SLC9A9: variants seen among roughly 807,000 people sequenced by gnomAD.
SLC9A9 encodes solute carrier family 9 member A9.
SLC9A9 carries 62 observed loss-of-function variants against 77.8 expected under a neutral mutation model. The observed-to-expected ratio is 0.80, with a 90% CI of 0.65 to 0.98. The LOEUF (loss-of-function observed/expected upper bound fraction) is 0.98. SLC9A9 is among the 50% of genes least tolerant of loss of function. The probability of loss-of-function intolerance (pLI) is 0.00; values close to 1 mark genes in which losing one functional copy is unlikely to be tolerated. For synonymous variants in SLC9A9, 320 were observed against 283.5 expected, an observed-to-expected ratio of 1.13 and a Z score of -1.29; for missense variants, 775 against 774.9, an observed-to-expected ratio of 1.00 and a Z score of 0.00.
At chr3:143,411,649 G>T (rs1277348193) in intron 12 of SLC9A9, among the ~76,000 whole-genome samples, 1 of 152,056 alleles carries the variant, frequency 6.6e-6, no homozygotes, top group Non-Finnish European at 1.5e-5. Flanking sequence ...TTATATCTTT[G>T]TTCTAATTAC....
chr3:143,613,381 A>T (rs572511231), intron 6 of SLC9A9, among the ~76,000 whole-genome samples: 42 of 152,216 alleles, frequency 2.8e-4, no homozygotes, highest in Non-Finnish European at 4.4e-5. Context: ...TGTGACTTTT[A>T]TATGTTTAAA....
rs115461496 is a variant in SLC9A9, at chr3:143,304,528, A to C, written c.1605-35548T>G. On this transcript the variant is annotated intron_variant, in intron 14 of 15. Transcript: ENST00000316549. The stretch of plus-strand genomic sequence containing the variant: ...TATTGCCTTGTTCAGACATGGCTTC[A>C]TCTTGGCAGCATTCAGGCCTTGGGT... 2.4e-3 allele frequency among the ~76,000 whole-genome samples: 364 copies of C among 152,336 alleles called. 4 individuals are homozygous for C. Among genetic ancestry groups the C allele is most frequent in the African/African-American group, 8.5e-3 (355 of 41,570 alleles).
intron 5 of SLC9A9, among the ~76,000 whole-genome samples, chr3:143,661,186 C>T (rs1033169507): frequency 6.6e-6 from 1 of 152,202 alleles, no homozygotes. Flanking sequence ...AGCCAAAAGT[C>T]ATAAAGCAGC....
At chr3:143,334,106 C>G (rs1219687042) in intron 14 of SLC9A9, among the ~76,000 whole-genome samples, 5 of 152,154 alleles carry the variant, frequency 3.3e-5, no homozygotes, top group African/African-American at 4.8e-5. Flanking sequence ...ATATGCCAAT[C>G]AATTGGAATT....
intron 4 of SLC9A9, among the ~76,000 whole-genome samples, chr3:143,762,576 A>G (rs1052763416): frequency 6.6e-6 from 1 of 152,148 alleles, no homozygotes; most frequent in Non-Finnish European, 1.5e-5. Flanking sequence ...AATTTCCCCA[A>G]GTGAACTATG....
At chr3:143,547,196 T>A (rs1021328193) in intron 9 of SLC9A9, among the ~76,000 whole-genome samples, 6 of 152,220 alleles carry the variant, frequency 3.9e-5, no homozygotes, top group Admixed American at 3.9e-4. Context: ...TTGGACCTCT[T>A]CTCTATCACT....
chr3:143,567,426 C>G (rs2037185847), intron 8 of SLC9A9, among the ~76,000 whole-genome samples: 1 of 152,128 alleles, frequency 6.6e-6, no homozygotes. Flanking sequence ...TCTGTACATA[C>G]TCTCATCCTC....
chr3:143,685,933 A>G (rs182802043), intron 5 of SLC9A9, among the ~76,000 whole-genome samples: 93 of 152,330 alleles, frequency 6.1e-4, no homozygotes, highest in African/African-American at 2.2e-3. Flanking sequence ...GGAAAGGCAC[A>G]TATCTTTGTT....
At chr3:143,493,873 AC>A in intron 10 of SLC9A9, 109 bp from the exon 11 acceptor site, 1 of 806,174 alleles carries the variant, frequency 1.2e-6, no homozygotes, top group Non-Finnish European at 2.1e-6. Context: ...TGACCCCAAA[AC>A]CAGAAATAAA....
At chr3:143,795,465 A>AAAC (rs142617193) in intron 3 of SLC9A9, among the ~76,000 whole-genome samples, 5 of 151,972 alleles carry the variant, frequency 3.3e-5, no homozygotes, top group African/African-American at 1.2e-4. Flanking sequence ...TTTAGCATTA[A>AAAC]AACAACAACA....
At chr3:143,305,005 T>C (rs1394334739) in intron 14 of SLC9A9, among the ~76,000 whole-genome samples, 2 of 152,192 alleles carry the variant, frequency 1.3e-5, no homozygotes. Flanking sequence ...TATTCTGATA[T>C]CTGAACGTGA....
At chr3:143,357,843 AC>A (rs2032634470) in intron 14 of SLC9A9, among the ~76,000 whole-genome samples, 1 of 152,038 alleles carries the variant, frequency 6.6e-6, no homozygotes, top group South Asian at 2.1e-4. Flanking sequence ...ACAGCGAACT[AC>A]CCCAATAAAT....
chr3:143,477,372 C>T (rs1241606233), intron 11 of SLC9A9, among the ~76,000 whole-genome samples: 4 of 146,728 alleles, frequency 2.7e-5, no homozygotes, highest in South Asian at 4.5e-4. Flanking sequence ...CGCCCCCTCC[C>T]GCCACCCAGA....
intron 11 of SLC9A9, among the ~76,000 whole-genome samples, chr3:143,467,631 G>C (rs1004021078): frequency 6.6e-6 from 1 of 151,888 alleles, no homozygotes; most frequent in Admixed American, 6.6e-5. Context: ...TTTAGTCCCA[G>C]CTACTCGAAA....
chr3:143,312,170 T>C (rs2031040498), intron 14 of SLC9A9, among the ~76,000 whole-genome samples: 1 of 152,354 alleles, frequency 6.6e-6, no homozygotes, highest in South Asian at 2.1e-4. Context: ...ACTTCTGTCA[T>C]TTACTGAACA....
At chr3:143,647,743 T>C (rs1576632291) in intron 6 of SLC9A9, among the ~76,000 whole-genome samples, 2 of 152,202 alleles carry the variant, frequency 1.3e-5, no homozygotes, top group East Asian at 3.8e-4. Context: ...TCTTCCTTCC[T>C]TTTTTTCTTC....
chr3:143,324,658 A>G (rs1313503710), intron 14 of SLC9A9, among the ~76,000 whole-genome samples: 2 of 152,046 alleles, frequency 1.3e-5, no homozygotes, highest in African/African-American at 4.8e-5. Context: ...CCATATCTAC[A>G]AAAAATACAA....
chr3:143,422,379 A>C (rs2034315742), intron 12 of SLC9A9, among the ~76,000 whole-genome samples: 1 of 152,256 alleles, frequency 6.6e-6, no homozygotes, highest in Admixed American at 6.5e-5. Context: ...TTGGATAAAG[A>C]AAATGTGGTA....
intron 4 of SLC9A9, among the ~76,000 whole-genome samples, chr3:143,727,652 T>C (rs953573607): frequency 1.3e-5 from 2 of 152,204 alleles, no homozygotes; most frequent in Non-Finnish European, 2.9e-5. Flanking sequence ...GAGCTCATCT[T>C]CTATAACAAA....
Sources: allele counts gnomAD v4.1 joint callset (sites outside exome capture counted in the v4.1 genomes callset), GRCh38; gene constraint gnomAD v4.1.1; transcripts MANE v1.5; gene names NCBI Gene and HGNC (gene_info 2026-07-23, HGNC 2026-07-21).